MDH1: variants seen among roughly 807,000 people sequenced by gnomAD.
MDH1 encodes malate dehydrogenase, cytoplasmic.
A neutral mutation model predicts 38.7 loss-of-function variants in MDH1; 15 were observed. That is an observed-to-expected ratio of 0.39 (90% CI 0.26 to 0.60). The LOEUF (loss-of-function observed/expected upper bound fraction) is 0.60. Ranked by LOEUF, MDH1 falls within the 20% of genes least tolerant of loss-of-function variation. The pLI is 0.56. For synonymous variants in MDH1, 144 were observed against 143.6 expected, an observed-to-expected ratio of 1.00 and a Z score of -0.02; for missense variants, 368 against 405.2, an observed-to-expected ratio of 0.91 and a Z score of 0.79.
chr2:63,589,339 C>T (rs1335343753), intron 1 of MDH1: 3 of 1,550,502 alleles, frequency 1.9e-6, no homozygotes, highest in Non-Finnish European at 2.6e-6. Context: ...TGCGACGCTG[C>T]AGCTATTTTC....
chr2:63,604,240 T>A (rs1470371667), intron 5 of MDH1, among the ~76,000 whole-genome samples: 1 of 152,240 alleles, frequency 6.6e-6, no homozygotes, highest in East Asian at 1.9e-4. Context: ...AATTTCTATA[T>A]GGTATATAAT....
At chr2:63,604,029 A>T (rs887768020) in intron 5 of MDH1, among the ~76,000 whole-genome samples, 2 of 152,210 alleles carry the variant, frequency 1.3e-5, no homozygotes, top group African/African-American at 4.8e-5. Flanking sequence ...AGGACCCTAA[A>T]GTGCTTTCTG....
Position 63,595,451 on chromosome 2 carries a change from C to T in MDH1, c.131C>T (p.Thr44Ile). 6.2e-7 allele frequency: 1 copy of T among 1,612,238 alleles called. No individual in the cohort carries two copies. Among genetic ancestry groups the T allele is most frequent in the Non-Finnish European group, 8.5e-7 (1 of 1,178,292 alleles). ...QPIILVLLDI[T>I]PMMGVLDGVL... Reference sequence around the variant, plus strand: ...ATAATTCTTGTGCTGTTGGATATCACCCCCATGATGGGTGTCCTGGACGGT... The same window carrying T: ...ATAATTCTTGTGCTGTTGGATATCATCCCCATGATGGGTGTCCTGGACGGT... Residue 44 changes from threonine to isoleucine, a missense_variant, in exon 3 of 9, where the codon ACC (threonine) becomes ATC (isoleucine). Transcript: ENST00000233114.
intron 8 of MDH1, among the ~76,000 whole-genome samples, chr2:63,606,366 CCT>C (rs1423623897): frequency 6.6e-6 from 1 of 152,030 alleles, no homozygotes; most frequent in Non-Finnish European, 1.5e-5. Context: ...AGAACGGGAC[CCT>C]GTCCCCCAAA....
chr2:63,602,048 A>G (rs1321809897), intron 5 of MDH1, among the ~76,000 whole-genome samples: 1 of 152,234 alleles, frequency 6.6e-6, no homozygotes, highest in Admixed American at 6.5e-5. Flanking sequence ...ACTGTGAACT[A>G]ATTTGTGGAG....
At chr2:63,606,116 T>C in intron 8 of MDH1, 88 bp downstream of exon 8, 1 of 1,235,966 alleles carries the variant, frequency 8.1e-7, no homozygotes, top group South Asian at 1.2e-5. Context: ...GCACAGTGGC[T>C]CACGCCTATA....
chr2:63,593,641 G>A, intron 1 of MDH1: 1 of 471,710 alleles, frequency 2.1e-6, no homozygotes, highest in East Asian at 6.9e-5. Context: ...AGGGGTAAAG[G>A]TGACAGTGGA....
chr2:63,593,630 T>C (rs1575720322), intron 1 of MDH1: 1 of 471,696 alleles, frequency 2.1e-6, no homozygotes. Flanking sequence ...TCCATGCAGG[T>C]AGGGGTAAAG....
Position 63,607,143 on chromosome 2 carries a change from A to T in MDH1, c.*156A>T. 1 of 591,826 alleles carries T rather than the reference A, an allele frequency of 1.7e-6. No homozygotes were observed. The allele number at this position is 591,826 out of a possible 1,614,324, so 36.7% of individuals were successfully genotyped here. A position where few individuals can be genotyped will look rare whatever the true frequency, so the allele number is the denominator to read the frequency against. ...TTCTTGGTACAGGTTTGTGAATGAC[A>T]GTTTATCGTCATGCTGTTAGTGTGC... On this transcript the variant is annotated 3_prime_UTR_variant, in exon 9 of 9. Coordinates refer to ENST00000233114, the MANE Select transcript of MDH1 (RefSeq NM_005917.4).
At chr2:63,595,911 T>C (rs1239199088) in intron 3 of MDH1, among the ~76,000 whole-genome samples, 2 of 152,304 alleles carry the variant, frequency 1.3e-5, no homozygotes, top group African/African-American at 2.4e-5. Context: ...AATGGAAAAC[T>C]TTCTCAGTTT....
intron 5 of MDH1, 74 bp from the exon 6 acceptor site, chr2:63,604,622 A>G: frequency 2.6e-6 from 3 of 1,164,958 alleles, no homozygotes; most frequent in South Asian, 1.5e-5. Flanking sequence ...ATTTAAGGGC[A>G]TTTGTCAAAA....
Position 63,602,934 on chromosome 2 carries a change from C to CTTTTTTTTTTTTTTTTTTT in MDH1, c.499-1737_499-1719dup, listed in dbSNP as rs370479356. On this transcript the variant is annotated intron_variant, in intron 5 of 8. Coordinates refer to ENST00000233114, the MANE Select transcript of MDH1 (RefSeq NM_005917.4). ...ACATAATACAGTTTATTTAACCGTTCTTTTTTTTTTTTTTTTTTTTTTTTT... is the reference window on the plus strand; with the variant it reads ...ACATAATACAGTTTATTTAACCGTTCTTTTTTTTTTTTTTTTTTTTTTTTTTTTTTTTTTTTTTTTTTTT... Among the ~76,000 whole-genome samples, 7 of 131,618 alleles carry CTTTTTTTTTTTTTTTTTTT rather than the reference C, an allele frequency of 5.3e-5. 1 individual carries two copies. The highest frequency in any genetic ancestry group is 4.0e-3 in the Middle Eastern group (1 of 250). 86.3% of individuals were successfully genotyped at this position (131,618 alleles called of 152,430 possible).
intron 2 of MDH1, chr2:63,594,859 T>G: frequency 3.0e-6 from 1 of 328,608 alleles, no homozygotes; most frequent in Non-Finnish European, 5.7e-6. Flanking sequence ...ATATCACTAA[T>G]GACAGTAACT....
chr2:63,594,400 A>T, intron 1 of MDH1, 88 bp from the exon 2 acceptor site: 2 of 982,416 alleles, frequency 2.0e-6, no homozygotes, highest in Non-Finnish European at 3.3e-6. Flanking sequence ...CTTTTAAAGT[A>T]TGTGGATTTC....
intron 5 of MDH1, among the ~76,000 whole-genome samples, chr2:63,601,179 A>G (rs1362042258): frequency 6.6e-6 from 1 of 152,246 alleles, no homozygotes; most frequent in East Asian, 1.9e-4. Flanking sequence ...TCAATCTGGC[A>G]TAGTGAGAGC....
rs1456554736 is a variant in MDH1 at position 63,597,706 on chromosome 2, G to T, written c.375+132G>T. 1.7e-5 allele frequency: 13 copies of T among 774,898 alleles called. No individual in the cohort carries two copies. The Admixed American group carries it at 4.3e-4, about 26-fold the overall frequency. 48.0% of individuals were successfully genotyped at this position (774,898 alleles called of 1,614,324 possible). ...ACAATCATCAGTAAATACGGCTCTA[G>T]AGTTTTGCTTGATAAGCTCTCCCTT... On this transcript the variant is annotated intron_variant, in intron 4 of 8. Coordinates refer to ENST00000233114, the MANE Select transcript of MDH1 (RefSeq NM_005917.4).
chr2:63,604,716 G>C lies in MDH1; in HGVS notation c.519G>C (p.Val173=). Residue 173 remains valine, a synonymous_variant, in exon 6 of 9, where the codon GTG becomes GTC. Coordinates refer to ENST00000233114, the MANE Select transcript of MDH1 (RefSeq NM_005917.4). ...AKAQIALKLG[V]TANDVKNVII... The stretch of plus-strand genomic sequence containing the variant: ...ACTAGATTGCTCTTAAACTTGGTGT[G>C]ACTGCTAATGATGTAAAGAATGTCA... 1 of 1,613,690 alleles carries C rather than the reference G, an allele frequency of 6.2e-7. No individual in the cohort carries two copies. Among genetic ancestry groups the C allele is most frequent in the African/African-American group, 1.3e-5 (1 of 75,024 alleles).
chr2:63,592,477 A>C (rs1208613329), intron 1 of MDH1, among the ~76,000 whole-genome samples: 1 of 152,100 alleles, frequency 6.6e-6, no homozygotes, highest in African/African-American at 2.4e-5. Flanking sequence ...CAGCCTCCTG[A>C]GTGGCTGGAA....
intron 4 of MDH1, chr2:63,598,095 T>C (rs1452999235): frequency 6.6e-6 from 1 of 152,160 alleles, no homozygotes; most frequent in African/African-American, 2.4e-5. Context: ...CTAATATGTC[T>C]TAATATTACA....
Sources: gnomAD v4.1 joint callset for allele counts (sites outside exome capture counted in the v4.1 genomes callset) on GRCh38, gnomAD v4.1.1 for gene constraint, MANE v1.5 for transcripts, NCBI Gene and HGNC (gene_info 2026-07-23, HGNC 2026-07-21) for gene names.